The following PTK7 variants were observed in gnomAD, a reference collection of about 807,000 sequenced individuals.
PTK7 encodes inactive tyrosine-protein kinase 7.
PTK7 carries 39 observed loss-of-function variants against 116.6 expected under a neutral mutation model. The observed-to-expected ratio is 0.33, with a 90% CI of 0.26 to 0.44. The LOEUF is 0.44. Ranked by LOEUF, PTK7 falls within the 20% of genes least tolerant of loss-of-function variation. The pLI is 1.00. For synonymous variants in PTK7, 546 were observed against 563.6 expected, an observed-to-expected ratio of 0.97 and a Z score of 0.44; for missense variants, 1,169 against 1,425.6, an observed-to-expected ratio of 0.82 and a Z score of 2.90.
chr6:43,096,515 T>G (rs922783849), intron 1 of PTK7, among the ~76,000 whole-genome samples: 7 of 152,190 alleles, frequency 4.6e-5, no homozygotes, highest in Non-Finnish European at 8.8e-5. Flanking sequence ...GCCCCATTCC[T>G]TAGATCAAAT....
At chr6:43,159,558 A>C (rs1771712380) in intron 18 of PTK7, 2 of 580,634 alleles carry the variant, frequency 3.4e-6, no homozygotes, top group South Asian at 2.0e-5. Context: ...ATTTAGGCAA[A>C]GTTTGATTCT....
At chr6:43,122,967 A>G (rs1254782038) in intron 1 of PTK7, among the ~76,000 whole-genome samples, 1 of 151,952 alleles carries the variant, frequency 6.6e-6, no homozygotes, top group African/African-American at 2.4e-5. Flanking sequence ...TGTGTGGCTG[A>G]TTGACTTGGG....
At chr6:43,157,078 C>T (rs1001874996) in intron 17 of PTK7, among the ~76,000 whole-genome samples, 3 of 150,452 alleles carry the variant, frequency 2.0e-5, no homozygotes, top group African/African-American at 7.3e-5. Flanking sequence ...AAGAAATTAT[C>T]ACAAAAGTCA....
Position 43,130,407 on chromosome 6 carries a change from C to T in PTK7, c.648C>T (p.Thr216=), listed in dbSNP as rs142606741. The part of the protein sequence containing the change: ...FGQACSSQNF[T]LSIADESFAR... ...AGGCTTGCAGCAGCCAGAACTTCACCTTGAGCATTGCTGGTGAGCCTGGGG... is the reference window on the plus strand; with the variant it reads ...AGGCTTGCAGCAGCCAGAACTTCACTTTGAGCATTGCTGGTGAGCCTGGGG... The change falls in exon 4 of 20, where the codon ACC becomes ACT. Residue 216 remains threonine, a synonymous_variant. Transcript: ENST00000230419. The T allele has an allele frequency of 1.9e-6, 3 of 1,606,466 alleles. No individual in the cohort carries two copies. The Admixed American group carries it at 5.0e-5, about 27-fold the overall frequency.
Position 43,143,734 on chromosome 6 carries a change from C to G in PTK7, c.2251+114C>G. On this transcript the variant is annotated intron_variant, in intron 14 of 19. Transcript: ENST00000230419. This position sits in a 1 kb window ranked among gnomAD's most constrained non-coding sequence, Gnocchi z 4.2. The stretch of plus-strand genomic sequence containing the variant: ...GAAACCGAGCGGCTGTTGCTGGGTC[C>G]TGGAGCTGGGACTGCCCCACCCCTA... 8.4e-7 allele frequency: 1 copy of G among 1,194,890 alleles called. No homozygotes were observed. Among genetic ancestry groups the G allele is most frequent in the Non-Finnish European group, 1.2e-6 (1 of 869,078 alleles). The allele number at this position is 1,194,890 out of a possible 1,614,324, so 74.0% of individuals were successfully genotyped here.
intron 1 of PTK7, among the ~76,000 whole-genome samples, chr6:43,086,370 G>A (rs1338290739): frequency 6.6e-6 from 1 of 151,886 alleles, no homozygotes; most frequent in Non-Finnish European, 1.5e-5. Context: ...ATGGGGGCCC[G>A]CATGGGCACT....
chr6:43,116,027 C>A (rs1768495711), intron 1 of PTK7, among the ~76,000 whole-genome samples: 1 of 151,994 alleles, frequency 6.6e-6, no homozygotes, highest in Non-Finnish European at 1.5e-5. Context: ...CTTGCCCCTC[C>A]AAGCTCGTAG....
At position 43,129,942 on chromosome 6, in the gene PTK7, A is replaced by G. The variant is rs938578308; in HGVS notation, c.470+113A>G. 70 of 1,078,856 alleles carry G rather than the reference A, an allele frequency of 6.5e-5. No individual in the cohort carries two copies. In the Admixed American group the frequency reaches 1.3e-3, roughly 19 times the overall value. 66.8% of individuals were successfully genotyped at this position (1,078,856 alleles called of 1,614,324 possible). ...GCTCCATTCTGTGACCACTCGTTCCACCACCACAGTGCTCTTCACCCTGCC... is the reference window on the plus strand; with the variant it reads ...GCTCCATTCTGTGACCACTCGTTCCGCCACCACAGTGCTCTTCACCCTGCC... On this transcript the variant is annotated intron_variant, in intron 3 of 19. Transcript: ENST00000230419. This position sits in a 1 kb window ranked among gnomAD's most constrained non-coding sequence, Gnocchi z 4.5.
At chr6:43,103,609 G>A (rs1038780213) in intron 1 of PTK7, among the ~76,000 whole-genome samples, 39 of 152,324 alleles carry the variant, frequency 2.6e-4, no homozygotes, top group African/African-American at 4.8e-4. Flanking sequence ...GGAAGGAGGT[G>A]GAGTGAGGCT....
At chr6:43,090,449 A>G (rs1582067336) in intron 1 of PTK7, among the ~76,000 whole-genome samples, 1 of 152,316 alleles carries the variant, frequency 6.6e-6, no homozygotes, top group Non-Finnish European at 1.5e-5. Context: ...AGGCAGGCTG[A>G]GCAGTAAACT....
Position 43,076,348 on chromosome 6 carries a change from G to C in PTK7, c.-141G>C. The C allele has an allele frequency of 4.6e-6, 2 of 432,748 alleles. No individual in the cohort carries two copies. Among genetic ancestry groups the C allele is most frequent in the Non-Finnish European group, 6.9e-6 (2 of 290,608 alleles). 26.8% of individuals were successfully genotyped at this position (432,748 alleles called of 1,614,324 possible). A position where few individuals can be genotyped will look rare whatever the true frequency, so the allele number is the denominator to read the frequency against. On this transcript the variant is annotated 5_prime_UTR_variant, in exon 1 of 20. Transcript: ENST00000230419. This position sits in a 1 kb window ranked among gnomAD's most constrained non-coding sequence, Gnocchi z 5.7. ...GCGCGGCTCCGGCTCGGGACGCCTC[G>C]GGACGCCTCGGGGTCGGGCTCCGGC...
chr6:43,085,551 G>A (rs1486592756), intron 1 of PTK7, among the ~76,000 whole-genome samples: 1 of 151,896 alleles, frequency 6.6e-6, no homozygotes, highest in African/African-American at 2.4e-5. Context: ...CTGGCCAGAG[G>A]TGTCAGCCTT....
chr6:43,160,271 A>G (rs1331803176), intron 19 of PTK7, among the ~76,000 whole-genome samples: 1 of 151,600 alleles, frequency 6.6e-6, no homozygotes, highest in South Asian at 2.1e-4. Context: ...ACGCACCTCC[A>G]CTCCCTGGCT....
chr6:43,130,726 G>C (rs1769619420), intron 5 of PTK7, 65 bp downstream of exon 5: 1 of 1,564,208 alleles, frequency 6.4e-7, no homozygotes, highest in African/African-American at 1.4e-5. Context: ...GTAGAAGGGG[G>C]TGCGATTTGT....
chr6:43,150,130 T>A (rs1203583546), intron 17 of PTK7, among the ~76,000 whole-genome samples: 1 of 152,222 alleles, frequency 6.6e-6, no homozygotes, highest in Non-Finnish European at 1.5e-5. Context: ...TGTGAACTAA[T>A]GATGTGATGA....
At chr6:43,125,104 G>A (rs1278494264) in intron 1 of PTK7, among the ~76,000 whole-genome samples, 2 of 152,054 alleles carry the variant, frequency 1.3e-5, no homozygotes, top group Non-Finnish European at 2.9e-5. Flanking sequence ...CCCGGGAAGC[G>A]GAGGTTGCCG....
chr6:43,159,212 A>T (rs190976406), intron 18 of PTK7, among the ~76,000 whole-genome samples: 14 of 152,344 alleles, frequency 9.2e-5, no homozygotes, highest in Admixed American at 2.0e-4. Flanking sequence ...AACCTTTTTT[A>T]AAAAATAGGC....
chr6:43,098,171 C>G (rs1416829802), intron 1 of PTK7, among the ~76,000 whole-genome samples: 1 of 152,084 alleles, frequency 6.6e-6, no homozygotes, highest in Non-Finnish European at 1.5e-5. Context: ...CCCAACTCCT[C>G]CTCAACATGG....
At chr6:43,080,645 A>C (rs928071277) in intron 1 of PTK7, among the ~76,000 whole-genome samples, 4 of 152,130 alleles carry the variant, frequency 2.6e-5, no homozygotes, top group African/African-American at 9.7e-5. Flanking sequence ...GCTGAGGATT[A>C]AGTATAATGA....
Sources: gnomAD v4.1 joint callset for allele counts (sites outside exome capture counted in the v4.1 genomes callset) on GRCh38, gnomAD v4.1.1 for gene constraint, Gnocchi (gnomAD v3.1) non-coding constraint, MANE v1.5 for transcripts, NCBI Gene and HGNC (gene_info 2026-07-23, HGNC 2026-07-21) for gene names.